The following TEKT3 variants were observed in gnomAD, a reference collection of about 807,000 sequenced individuals.
TEKT3 encodes tektin 3.
Under a neutral mutation model 49.8 loss-of-function variants are expected in TEKT3, and 49 were observed. That is an observed-to-expected ratio of 0.98 (90% CI 0.78 to 1.25). The LOEUF is 1.25. Ranked by LOEUF, TEKT3 falls within the 50% of genes most tolerant of loss-of-function variation. The probability of loss-of-function intolerance (pLI) is 0.00; values close to 1 mark genes in which losing one functional copy is unlikely to be tolerated. For synonymous variants in TEKT3, 225 were observed against 237.2 expected (o/e 0.95, Z 0.47); for missense variants, 595 against 629.5 (o/e 0.95, Z 0.59).
At chr17:15,318,989 A>T in intron 5 of TEKT3, 88 bp downstream of exon 5, 1 of 1,099,398 alleles carries the variant, frequency 9.1e-7, no homozygotes, top group Non-Finnish European at 1.3e-6. Context: ...GTGTGTCCTT[A>T]TAAGAAATTA....
chr17:15,324,420 G>A (rs533683644), intron 4 of TEKT3, among the ~76,000 whole-genome samples: 1 of 152,196 alleles, frequency 6.6e-6, no homozygotes, highest in African/African-American at 2.4e-5. Context: ...ACAAATTTTT[G>A]TTTGGGCATA....
intron 4 of TEKT3, 136 bp downstream of exon 4, chr17:15,327,856 C>A: frequency 3.0e-6 from 2 of 656,886 alleles, no homozygotes; most frequent in South Asian, 2.2e-5. Context: ...CATGTCTTTG[C>A]TAAATGCTAT....
intron 4 of TEKT3, among the ~76,000 whole-genome samples, chr17:15,319,611 T>G (rs557448966): frequency 6.6e-6 from 1 of 152,308 alleles, no homozygotes; most frequent in South Asian, 2.1e-4. Flanking sequence ...AGACAGTGCT[T>G]GGGTCCAAAC....
At chr17:15,342,644 A>G (rs1912270787), upstream of TEKT3, among the ~76,000 whole-genome samples, 1 of 152,212 alleles carries the variant, frequency 6.6e-6, no homozygotes, top group Non-Finnish European at 1.5e-5. Context: ...GACTCAGGCC[A>G]ACCGAACTCA....
Position 15,331,010 on chromosome 17 carries a change from A to G in TEKT3, c.576T>C (p.Leu192=). ...GTGTTCTATCATAAGGTCTTACCTG[A>G]AGAGGGGCTTCAGTCTCCATCAAAG... ...ERALMETEAP[L]QVARECLFHR... Residue 192 remains leucine, a synonymous_variant, in exon 3 of 9, where the codon CTT becomes CTC. Coordinates refer to ENST00000395930, the MANE Select transcript of TEKT3 (RefSeq NM_031898.3). 6.2e-7 allele frequency: 1 copy of G among 1,607,602 alleles called. No homozygotes were observed. Among genetic ancestry groups the G allele is most frequent in the South Asian group, 1.1e-5 (1 of 89,736 alleles).
At chr17:15,308,527 T>C in intron 8 of TEKT3, 137 bp downstream of exon 8, 2 of 1,182,802 alleles carry the variant, frequency 1.7e-6, no homozygotes, top group Non-Finnish European at 2.4e-6. Context: ...GCATTCAACA[T>C]CTCCCCATTA....
At chr17:15,336,220 C>T (rs1263121500) in intron 2 of TEKT3, among the ~76,000 whole-genome samples, 1 of 151,916 alleles carries the variant, frequency 6.6e-6, no homozygotes, top group Non-Finnish European at 1.5e-5. Context: ...ATTTGAAAAT[C>T]AGACAGGAAG....
intron 8 of TEKT3, among the ~76,000 whole-genome samples, chr17:15,307,987 T>G (rs1910614711): frequency 6.6e-6 from 1 of 152,190 alleles, no homozygotes; most frequent in Non-Finnish European, 1.5e-5. Flanking sequence ...CATGTAGTGT[T>G]TAGTAGATAA....
Position 15,332,210 on chromosome 17 carries a change from A to G in TEKT3, c.-29-596T>C, listed in dbSNP as rs111510074. Reference sequence around the variant, plus strand: ...CGTCTAAAAAATAAATAAATAAATAAATAGATTTCCGTCTCAAACCATGAT... The same window carrying G: ...CGTCTAAAAAATAAATAAATAAATAGATAGATTTCCGTCTCAAACCATGAT... On this transcript the variant is annotated intron_variant, in intron 2 of 8. Transcript: ENST00000395930. Among the ~76,000 whole-genome samples, 556 of 152,196 alleles carry G rather than the reference A, an allele frequency of 3.7e-3. 3 individuals are homozygous for G. The highest frequency in any genetic ancestry group is 0.013 in the African/African-American group (522 of 41,524).
At chr17:15,316,498 G>A (rs1303119414) in intron 5 of TEKT3, among the ~76,000 whole-genome samples, 1 of 152,128 alleles carries the variant, frequency 6.6e-6, no homozygotes, top group Non-Finnish European at 1.5e-5. Context: ...ATGTTGGAAG[G>A]TTGCTTAGTG....
intron 2 of TEKT3, among the ~76,000 whole-genome samples, chr17:15,332,066 C>A (rs1008720897): frequency 2.0e-5 from 3 of 150,118 alleles, no homozygotes; most frequent in African/African-American, 2.5e-5. Context: ...GTAATCCCAT[C>A]TACTCAGGAG....
At position 15,339,540 on chromosome 17, in the gene TEKT3, C is replaced by T. The variant is rs1912138216; in HGVS notation, c.-30+488G>A. 2.0e-5 allele frequency among the ~76,000 whole-genome samples: 3 copies of T among 152,130 alleles called. No individual in the cohort carries two copies. In the South Asian group the frequency reaches 6.2e-4, roughly 32 times the overall value. ...ATCAATCACACAGAGATTTTAAGAA[C>T]CGGAAAGCTCCATTTGCTATCCAAA... On this transcript the variant is annotated intron_variant, in intron 2 of 8. Coordinates refer to ENST00000395930, the MANE Select transcript of TEKT3 (RefSeq NM_031898.3).
chr17:15,304,096 A>G lies in TEKT3; in HGVS notation c.1313T>C (p.Leu438Pro), dbSNP rs2150728787. ...DDTIQTLQQR[L>P]RDAEDTLQSL... The stretch of plus-strand genomic sequence containing the variant: ...CTGCAGGGTGTCCTCTGCATCCCTC[A>G]GGCGCTGCTGCAGGGTCTGGATGGT... Residue 438 changes from leucine (L) to proline (P), a missense_variant, in exon 9 of 9, where the codon CTG (leucine) becomes CCG (proline). By Grantham distance (98) the Leu-to-Pro change is moderately conservative. Coordinates refer to ENST00000395930, the MANE Select transcript of TEKT3 (RefSeq NM_031898.3). This position sits in a 1 kb window ranked among gnomAD's most constrained non-coding sequence, Gnocchi z 4.7. The G allele has an allele frequency of 6.2e-7, 1 of 1,614,192 alleles. No individual in the cohort carries two copies. The highest frequency in any genetic ancestry group is 8.5e-7 in the Non-Finnish European group (1 of 1,180,040).
chr17:15,321,866 G>A (rs976495312), intron 4 of TEKT3, among the ~76,000 whole-genome samples: 5 of 152,208 alleles, frequency 3.3e-5, no homozygotes, highest in African/African-American at 7.2e-5. Context: ...CTATTTGAGC[G>A]GCTGAAATGT....
At chr17:15,321,373 G>A (rs765556065) in intron 4 of TEKT3, among the ~76,000 whole-genome samples, 1 of 146,930 alleles carries the variant, frequency 6.8e-6, no homozygotes, top group Non-Finnish European at 1.5e-5. Flanking sequence ...GTTGGAGGCA[G>A]AAGGGTTCAC....
Position 15,304,732 on chromosome 17 carries a change from C to A in TEKT3, c.1257-580G>T, listed in dbSNP as rs1204121143. 1.3e-5 allele frequency among the ~76,000 whole-genome samples: 2 copies of A among 152,202 alleles called. No individual in the cohort carries two copies. Among genetic ancestry groups the A allele is most frequent in the Admixed American group, 6.5e-5 (1 of 15,284 alleles). ...CCAGGAAGACCTATCTCATCATCTG[C>A]AGACACATCCTGGAATATGCTTGCA... is the stretch of plus-strand genomic sequence containing the variant. On this transcript the variant is annotated intron_variant, in intron 8 of 8. Transcript: ENST00000395930. The surrounding 1 kb of genome is among the most constrained non-coding windows in gnomAD (Gnocchi z 4.7).
chr17:15,319,337 A>C (rs1911154567), intron 4 of TEKT3, among the ~76,000 whole-genome samples, 190 bp from the exon 5 acceptor site: 1 of 152,204 alleles, frequency 6.6e-6, no homozygotes, highest in African/African-American at 2.4e-5. Flanking sequence ...ATATCAGACT[A>C]AGATGCAGCC....
rs754921856 is a variant in TEKT3 at position 15,308,692 on chromosome 17, C to T, written c.1228G>A (p.Glu410Lys). 1 of 1,612,436 alleles carries T rather than the reference C, an allele frequency of 6.2e-7. No individual in the cohort carries two copies. Among genetic ancestry groups the T allele is most frequent in the Non-Finnish European group, 8.5e-7 (1 of 1,179,316 alleles). ...AGCTGAGCCATGTCTCGGCACAACT[C>T]AATGTTCGGCCGTCTTGTGCGCTCA... ...LDERTRRPNI[E>K]LCRDMAQLRL... Residue 410 changes from glutamate (E) to lysine (K), a missense_variant, in exon 8 of 9, where the codon GAG becomes AAG. Physicochemically the swap from Glu to Lys is moderately conservative, Grantham distance 56 (BLOSUM62 1). Coordinates refer to ENST00000395930, the MANE Select transcript of TEKT3 (RefSeq NM_031898.3).
At chr17:15,338,671 ATTTT>A (rs60841981) in intron 2 of TEKT3, 25 of 94,144 alleles carry the variant, frequency 2.7e-4, no homozygotes, top group East Asian at 6.3e-4. Context: ...CACCTGGCTA[ATTTT>A]TTTTTTTTTT....
Sources: allele counts gnomAD v4.1 joint callset (sites outside exome capture counted in the v4.1 genomes callset), GRCh38; gene constraint gnomAD v4.1.1; non-coding constraint Gnocchi (gnomAD v3.1); transcripts MANE v1.5; gene names NCBI Gene and HGNC (gene_info 2026-07-23, HGNC 2026-07-21).